ASB3: variants seen among roughly 807,000 people sequenced by gnomAD.
ASB3 encodes the protein ankyrin repeat and SOCS box containing 3, also known as ankyrin repeat and SOCS box protein 3.
ASB3 carries 41 observed loss-of-function variants against 54.5 expected under a neutral mutation model. That is an observed-to-expected ratio of 0.75 (90% confidence interval 0.59 to 0.98). The LOEUF is 0.98. Ranked by LOEUF, ASB3 falls within the 50% of genes least tolerant of loss-of-function variation. The pLI, the probability that ASB3 is intolerant of heterozygous loss-of-function variation, is 0.00. For missense variants in ASB3, 733 were observed against 620.0 expected (o/e 1.18, Z -1.94); for synonymous variants, 266 against 221.2 (o/e 1.20, Z -1.80).
chr2:53,696,089 C>T (rs1370320943), intron 8 of ASB3, among the ~76,000 whole-genome samples: 1 of 152,046 alleles, frequency 6.6e-6, no homozygotes, highest in African/African-American at 2.4e-5. Context: ...TGGCTTTACC[C>T]ATTCAATAAA....
intron 5 of ASB3, among the ~76,000 whole-genome samples, chr2:53,728,266 C>T (rs972386886): frequency 2.0e-5 from 3 of 152,174 alleles, no homozygotes; most frequent in African/African-American, 7.2e-5. Context: ...GGTTATGTTA[C>T]TATTAACATA....
At chr2:53,689,905 T>C (rs1366899104) in intron 9 of ASB3, among the ~76,000 whole-genome samples, 1 of 152,152 alleles carries the variant, frequency 6.6e-6, no homozygotes. Flanking sequence ...TTAGGTAGTA[T>C]AACTTTGAAC....
At chr2:53,773,925 C>T in intron 1 of ASB3, among the ~76,000 whole-genome samples, 1 of 151,996 alleles carries the variant, frequency 6.6e-6, no homozygotes, top group Non-Finnish European at 1.5e-5. Flanking sequence ...ATCCCAGTCA[C>T]TTGAGAGGCT....
intron 3 of ASB3, among the ~76,000 whole-genome samples, chr2:53,742,443 G>C (rs936259224): frequency 2.0e-5 from 3 of 151,892 alleles, no homozygotes; most frequent in African/African-American, 7.3e-5. Context: ...AACAACAAAA[G>C]AAAGCAAAAA....
At position 53,729,470 on chromosome 2, in the gene ASB3, C is replaced by T; in HGVS notation, c.456G>A (p.Gln152=). 6.2e-7 allele frequency: 1 copy of T among 1,613,694 alleles called. No homozygotes were observed. Among genetic ancestry groups the T allele is most frequent in the East Asian group, 2.2e-5 (1 of 44,844 alleles). The change falls in exon 4 of 10, where the codon CAG becomes CAA. Residue 152 remains glutamine (Q), a synonymous_variant. Transcript: ENST00000263634. ...ATTCAGAGGTTACCTGAAAAGAAGC[C>T]TGGTGCAAGGAGTTCCATCCACACA... ...HSMCGWNSLH[Q]ASFQENAEII...
intron 7 of ASB3, 40 bp downstream of exon 7, chr2:53,714,344 A>G (rs1044391030): frequency 1.2e-6 from 2 of 1,604,110 alleles, no homozygotes; most frequent in East Asian, 2.2e-5. Flanking sequence ...TCCATACAGC[A>G]AAAAAGAATA....
At chr2:53,684,324 T>C (rs559136744) in intron 9 of ASB3, among the ~76,000 whole-genome samples, 87 of 152,374 alleles carry the variant, frequency 5.7e-4, no homozygotes, top group African/African-American at 2.0e-3. Context: ...GCTTCTGTCC[T>C]AACCACCTTT....
chr2:53,671,112 T>C (rs1667788333), intron 9 of ASB3, among the ~76,000 whole-genome samples: 1 of 152,206 alleles, frequency 6.6e-6, no homozygotes, highest in African/African-American at 2.4e-5. Context: ...CAAGTTTTCC[T>C]TTTTATCCAT....
chr2:53,716,814 A>G, intron 5 of ASB3, 71 bp from the exon 6 acceptor site: 2 of 1,491,970 alleles, frequency 1.3e-6, no homozygotes, highest in South Asian at 1.4e-5. Context: ...ATTTCAAAGG[A>G]ACTACCATAA....
At chr2:53,688,477 T>G (rs374065414) in intron 9 of ASB3, among the ~76,000 whole-genome samples, 2 of 152,218 alleles carry the variant, frequency 1.3e-5, no homozygotes, top group African/African-American at 4.8e-5. Context: ...AATCCAGTCT[T>G]TCTTTGTTCC....
chr2:53,684,176 C>A (rs760008211), intron 9 of ASB3, among the ~76,000 whole-genome samples: 1 of 152,144 alleles, frequency 6.6e-6, no homozygotes, highest in Non-Finnish European at 1.5e-5. Context: ...TAACTAGATT[C>A]GTACATGCCT....
intron 1 of ASB3, among the ~76,000 whole-genome samples, chr2:53,772,306 C>T (rs1038008984): frequency 2.6e-5 from 4 of 152,084 alleles, no homozygotes; most frequent in Admixed American, 2.6e-4. Context: ...TCCCAAGTAG[C>T]TGGGACTACA....
chr2:53,786,876 G>A lies in ASB3; in HGVS notation c.-69C>T. ...GCTGGTCCGAGGCCGCGTCTCCAGA[G>A]CTGCGTCCCAGAAGCCCCCGCTTTC... On this transcript the variant is annotated 5_prime_UTR_variant, in exon 1 of 10. Coordinates refer to ENST00000263634, the MANE Select transcript of ASB3 (RefSeq NM_016115.5). 3.4e-6 allele frequency: 1 copy of A among 292,562 alleles called. No individual in the cohort carries two copies. Among genetic ancestry groups the A allele is most frequent in the Non-Finnish European group, 6.4e-6 (1 of 156,180 alleles). The allele number at this position is 292,562 out of a possible 1,614,324, so 18.1% of individuals were successfully genotyped here.
intron 7 of ASB3, among the ~76,000 whole-genome samples, chr2:53,712,618 T>C (rs1259985694): frequency 1.3e-5 from 2 of 152,154 alleles, no homozygotes; most frequent in African/African-American, 2.4e-5. Context: ...TACTACATTA[T>C]ATGGCTTAAT....
intron 2 of ASB3, among the ~76,000 whole-genome samples, chr2:53,764,363 G>A (rs777233760): frequency 7.9e-5 from 12 of 152,064 alleles, no homozygotes; most frequent in Non-Finnish European, 1.5e-4. Flanking sequence ...CAGAGAAATG[G>A]GTTCAAATCA....
chr2:53,767,627 G>A (rs1673560804), intron 1 of ASB3: 1 of 460,378 alleles, frequency 2.2e-6, no homozygotes, highest in South Asian at 2.7e-5. Context: ...GGTGATTTAC[G>A]GATGCTGCAA....
intron 7 of ASB3, among the ~76,000 whole-genome samples, chr2:53,703,524 A>G (rs1245624042): frequency 6.6e-6 from 1 of 152,224 alleles, no homozygotes; most frequent in Non-Finnish European, 1.5e-5. Context: ...ACTTGACCTC[A>G]TAAGTTTGAG....
chr2:53,708,911 G>C (rs1318477044), intron 7 of ASB3, among the ~76,000 whole-genome samples: 1 of 152,138 alleles, frequency 6.6e-6, no homozygotes, highest in African/African-American at 2.4e-5. Flanking sequence ...ACCTAATGTT[G>C]GAACTTACAT....
intron 6 of ASB3, among the ~76,000 whole-genome samples, chr2:53,716,021 ATAGG>A (rs771064332): frequency 3.3e-4 from 51 of 152,250 alleles, no homozygotes; most frequent in Non-Finnish European, 6.6e-4. Context: ...CCAATTTATG[ATAGG>A]TAGCCATATT....
Sources: gnomAD v4.1 joint callset for allele counts (sites outside exome capture counted in the v4.1 genomes callset) on GRCh38, gnomAD v4.1.1 for gene constraint, MANE v1.5 for transcripts, NCBI Gene and HGNC (gene_info 2026-07-23, HGNC 2026-07-21) for gene names.